DCC: variants seen among roughly 807,000 people sequenced by gnomAD.
DCC encodes the protein DCC netrin 1 receptor.
A neutral mutation model predicts 172.5 loss-of-function variants in DCC; 58 were observed. That is an observed-to-expected ratio of 0.34 (90% CI 0.27 to 0.42). DCC has a LOEUF of 0.42. Ranked by LOEUF, DCC falls within the 10% of genes least tolerant of loss-of-function variation. The pLI, the probability that DCC is intolerant of heterozygous loss-of-function variation, is 1.00. For synonymous variants in DCC, 709 were observed against 644.5 expected (o/e 1.10, Z -1.52); for missense variants, 1,740 against 1,791.0 (o/e 0.97, Z 0.51).
chr18:52,623,837 T>A (rs2034524842), intron 1 of DCC, among the ~76,000 whole-genome samples: 1 of 152,138 alleles, frequency 6.6e-6, no homozygotes, highest in Non-Finnish European at 1.5e-5. Flanking sequence ...TCTCTGTCCC[T>A]CCCTTTCCCT....
At chr18:52,603,573 C>T (rs1328423739) in intron 1 of DCC, among the ~76,000 whole-genome samples, 1 of 145,322 alleles carries the variant, frequency 6.9e-6, no homozygotes, top group Non-Finnish European at 1.5e-5. Flanking sequence ...ATTTAGAAAC[C>T]CTAAAATGTG....
chr18:52,777,808 G>C (rs1482898027), intron 2 of DCC, among the ~76,000 whole-genome samples: 2 of 152,100 alleles, frequency 1.3e-5, no homozygotes, highest in African/African-American at 4.8e-5. Context: ...GGATGTTTGA[G>C]GGAGCAAATG....
rs536922863 is a variant in DCC at position 52,923,299 on chromosome 18, C to G, written c.698-408C>G. ...TAATATATTTGTTTCTCTTATTTTC[C>G]AAGCCACAGAAGCAATAAACAATGT... is the stretch of plus-strand genomic sequence containing the variant. On this transcript the variant is annotated intron_variant, in intron 3 of 28. Transcript: ENST00000442544. Among the ~76,000 whole-genome samples the G allele has an allele frequency of 2.6e-5, 4 of 152,048 alleles. No homozygotes were observed. The South Asian group carries it at 6.2e-4, about 24-fold the overall frequency.
chr18:53,063,417 G>A lies in DCC; in HGVS notation c.1098G>A (p.Lys366=), dbSNP rs201063856. Reference sequence around the variant, plus strand: ...CTGTGCCCACTGTGAATTGGATGAAGAATGGAGATGTGGTCATTCCTAGTG... The same window carrying A: ...CTGTGCCCACTGTGAATTGGATGAAAAATGGAGATGTGGTCATTCCTAGTG... ...GKPVPTVNWM[K]NGDVVIPSDY... Residue 366 remains lysine, a synonymous_variant, in exon 6 of 29, where the codon AAG becomes AAA. Transcript: ENST00000442544. 27 of 1,611,976 alleles carry A rather than the reference G, an allele frequency of 1.7e-5. No homozygotes were observed. The South Asian group carries it at 2.1e-4, about 12-fold the overall frequency.
At chr18:53,215,512 G>T (rs1220981886) in intron 11 of DCC, 36 bp from the exon 12 acceptor site, 3 of 1,568,698 alleles carry the variant, frequency 1.9e-6, no homozygotes, top group Non-Finnish European at 2.6e-6. Context: ...TCAAGATTTT[G>T]GCAGTAACTG....
At chr18:53,091,756 T>C (rs970694099) in intron 7 of DCC, among the ~76,000 whole-genome samples, 4 of 151,968 alleles carry the variant, frequency 2.6e-5, no homozygotes, top group Non-Finnish European at 5.9e-5. Context: ...GATTTCAACA[T>C]CTGAATTTTG....
chr18:53,344,020 TTTGTG>T (rs1322505133), intron 15 of DCC, among the ~76,000 whole-genome samples: 1 of 152,034 alleles, frequency 6.6e-6, no homozygotes, highest in Non-Finnish European at 1.5e-5. Context: ...CTGTCTTTTT[TTTGTG>T]ATATCTAGAC....
intron 1 of DCC, among the ~76,000 whole-genome samples, chr18:52,613,013 A>G (rs2034303696): frequency 6.6e-6 from 1 of 152,214 alleles, no homozygotes; most frequent in Non-Finnish European, 1.5e-5. Flanking sequence ...ATTTTGAGTG[A>G]TAAGAAGCTG....
intron 5 of DCC, among the ~76,000 whole-genome samples, chr18:52,933,786 C>T (rs1398763954): frequency 1.3e-5 from 2 of 152,000 alleles, no homozygotes; most frequent in Non-Finnish European, 2.9e-5. Flanking sequence ...CTGGATATTT[C>T]CCATCATGGT....
intron 20 of DCC, 102 bp from the exon 21 acceptor site, chr18:53,416,022 T>TC: frequency 1.2e-6 from 1 of 838,438 alleles, no homozygotes; most frequent in Non-Finnish European, 2.0e-6. Flanking sequence ...GGGCACTAGC[T>TC]TTGAAATAAA....
chr18:52,676,198 A>G (rs1180570972), intron 1 of DCC, among the ~76,000 whole-genome samples: 1 of 152,218 alleles, frequency 6.6e-6, no homozygotes, highest in Non-Finnish European at 1.5e-5. Context: ...TCTCTCAGCT[A>G]AGAACTTTGG....
intron 2 of DCC, among the ~76,000 whole-genome samples, chr18:52,785,465 C>A (rs1008075962): frequency 6.6e-6 from 1 of 152,048 alleles, no homozygotes; most frequent in Non-Finnish European, 1.5e-5. Context: ...GCAGTGGTAA[C>A]CCTAACTGCT....
At chr18:52,694,471 G>C (rs921690933) in intron 1 of DCC, among the ~76,000 whole-genome samples, 4 of 152,156 alleles carry the variant, frequency 2.6e-5, no homozygotes, top group African/African-American at 9.7e-5. Flanking sequence ...GTCCCTTCCG[G>C]TATAGGATTC....
At chr18:53,160,769 C>T (rs1210047503) in intron 8 of DCC, among the ~76,000 whole-genome samples, 1 of 152,182 alleles carries the variant, frequency 6.6e-6, no homozygotes, top group Admixed American at 6.5e-5. Flanking sequence ...GCCTTTCCCC[C>T]ACTCTTAGCT....
At chr18:53,116,282 G>A (rs1439308163) in intron 7 of DCC, among the ~76,000 whole-genome samples, 1 of 151,718 alleles carries the variant, frequency 6.6e-6, no homozygotes, top group Non-Finnish European at 1.5e-5. Context: ...AGCTCAAAAA[G>A]CTCCGTTACA....
chr18:52,556,667 C>T (rs1429440727), intron 1 of DCC, among the ~76,000 whole-genome samples: 1 of 152,008 alleles, frequency 6.6e-6, no homozygotes, highest in African/African-American at 2.4e-5. Flanking sequence ...CTAGCATGTA[C>T]AACAATAGCA....
Position 52,661,547 on chromosome 18 carries a change from G to A in DCC, c.92-90507G>A, listed in dbSNP as rs567759839. On this transcript the variant is annotated intron_variant, in intron 1 of 28. Transcript: ENST00000442544. ...CTGGAAAGTAGTCTGTTTCCCTGAT[G>A]CCTCCACAGGAGATGGGAGAATTCC... Among the ~76,000 whole-genome samples the A allele has an allele frequency of 8.5e-5, 13 of 152,346 alleles. No homozygotes were observed. The East Asian group carries it at 2.5e-3, about 29-fold the overall frequency.
At chr18:53,157,315 G>T in intron 7 of DCC, 41 bp from the exon 8 acceptor site, 6 of 1,613,202 alleles carry the variant, frequency 3.7e-6, no homozygotes, top group Non-Finnish European at 5.1e-6. Context: ...TCTTACCTAT[G>T]GCAGCGACAC....
At chr18:53,326,829 T>G (rs748777950) in intron 14 of DCC, among the ~76,000 whole-genome samples, 14 of 152,134 alleles carry the variant, frequency 9.2e-5, no homozygotes, top group Non-Finnish European at 1.8e-4. Context: ...GAAAAAGCAA[T>G]CATTTTAAAC....
Sources: allele counts gnomAD v4.1 joint callset (sites outside exome capture counted in the v4.1 genomes callset), GRCh38; gene constraint gnomAD v4.1.1; transcripts MANE v1.5; gene names NCBI Gene and HGNC (gene_info 2026-07-23, HGNC 2026-07-21).